FANK1: variants seen among roughly 807,000 people sequenced by gnomAD.
FANK1 encodes the protein fibronectin type 3 and ankyrin repeat domains protein 1.
FANK1 carries 44 observed loss-of-function variants against 45.3 expected under a neutral mutation model. That is an observed-to-expected ratio of 0.97 (90% CI 0.76 to 1.25). The LOEUF (loss-of-function observed/expected upper bound fraction) is 1.25. Ranked by LOEUF, FANK1 falls within the 50% of genes most tolerant of loss-of-function variation. The pLI is 0.00. For missense variants in FANK1, 391 were observed against 424.4 expected (o/e 0.92, Z 0.69); for synonymous variants, 149 against 152.5 (o/e 0.98, Z 0.17).
intron 1 of FANK1, among the ~76,000 whole-genome samples, chr10:125,901,998 A>G (rs1190589520): frequency 1.3e-5 from 2 of 152,150 alleles, no homozygotes; most frequent in African/African-American, 2.4e-5. Flanking sequence ...GCACGCCTGT[A>G]ATCCTAGCTA....
chr10:125,898,345 G>A (rs1944751124), intron 1 of FANK1, among the ~76,000 whole-genome samples: 1 of 152,058 alleles, frequency 6.6e-6, no homozygotes, highest in Non-Finnish European at 1.5e-5. Context: ...TTGAACAACG[G>A]ATCGGACAGT....
At chr10:125,994,425 G>A (rs973726149) in intron 3 of FANK1, 5 of 985,276 alleles carry the variant, frequency 5.1e-6, no homozygotes, top group Middle Eastern at 5.2e-4. Flanking sequence ...TTAGACCAGG[G>A]ATTATAAACT....
intron 1 of FANK1, among the ~76,000 whole-genome samples, chr10:125,924,682 G>A (rs1947211925): frequency 1.3e-5 from 2 of 151,916 alleles, no homozygotes; most frequent in South Asian, 2.1e-4. Context: ...GGTGGTGTGA[G>A]CCTGTGGTCC....
At chr10:125,933,998 G>A (rs1198147900) in intron 1 of FANK1, among the ~76,000 whole-genome samples, 1 of 152,148 alleles carries the variant, frequency 6.6e-6, no homozygotes, top group Non-Finnish European at 1.5e-5. Context: ...CTGAGAGAGT[G>A]CTTGATATAA....
intron 1 of FANK1, among the ~76,000 whole-genome samples, chr10:125,950,889 T>C (rs1016338477): frequency 5.3e-5 from 8 of 150,466 alleles, no homozygotes; most frequent in Non-Finnish European, 1.0e-4. Flanking sequence ...GTGGCACATA[T>C]ACACCATGGA....
intron 1 of FANK1, among the ~76,000 whole-genome samples, chr10:125,956,100 T>C (rs992993553): frequency 6.6e-6 from 1 of 150,854 alleles, no homozygotes; most frequent in Non-Finnish European, 1.5e-5. Flanking sequence ...AATTTTGCTG[T>C]ATCACAGTTT....
In FANK1 at chr10:125,915,843, T is replaced by C. The variant is rs565283626; in HGVS notation, c.13+19188T>C. ...GTCTGAAGGAGTGTGATCTAAACAA[T>C]GTGTAGTGTTTCCACTGAAGCACAG... On this transcript the variant is annotated intron_variant, in intron 1 of 10. Transcript: ENST00000368693. Among the ~76,000 whole-genome samples the C allele has an allele frequency of 3.9e-4, 60 of 152,240 alleles. 2 individuals carry two copies. In the South Asian group the frequency reaches 0.012, roughly 30 times the overall value.
At chr10:125,945,218 T>C (rs1185112477) in intron 1 of FANK1, among the ~76,000 whole-genome samples, 1 of 152,160 alleles carries the variant, frequency 6.6e-6, no homozygotes, top group Non-Finnish European at 1.5e-5. Context: ...AAAAAAAATT[T>C]AATAAGAACA....
At chr10:125,921,353 C>T (rs1038667804) in intron 1 of FANK1, among the ~76,000 whole-genome samples, 9 of 152,202 alleles carry the variant, frequency 5.9e-5, no homozygotes, top group Non-Finnish European at 1.3e-4. Context: ...ACTGTATCAA[C>T]AGTTATTCCT....
At chr10:125,918,843 G>A (rs61870890) in intron 1 of FANK1, among the ~76,000 whole-genome samples, 6,552 of 151,748 alleles carry the variant, frequency 0.043, 217 homozygotes, top group Non-Finnish European at 0.064. Context: ...TAGATAGTTG[G>A]AGAAATTGCA....
intron 1 of FANK1, among the ~76,000 whole-genome samples, chr10:125,941,955 G>A (rs902330379): frequency 6.6e-6 from 1 of 152,168 alleles, no homozygotes; most frequent in African/African-American, 2.4e-5. Context: ...ATAGGATGGG[G>A]CCAGCACACA....
intron 1 of FANK1, among the ~76,000 whole-genome samples, chr10:125,914,896 A>G (rs1190774023): frequency 6.6e-6 from 1 of 151,966 alleles, no homozygotes; most frequent in Non-Finnish European, 1.5e-5. Context: ...TGCGGAGGGG[A>G]TGAGGTAGAA....
intron 1 of FANK1, among the ~76,000 whole-genome samples, chr10:125,919,213 T>C (rs1946747291): frequency 1.0e-5 from 1 of 99,448 alleles, no homozygotes; most frequent in Non-Finnish European, 2.0e-5. Context: ...TTTTTTTTTT[T>C]TTTTTTTTTT....
intron 1 of FANK1, among the ~76,000 whole-genome samples, chr10:125,954,327 C>T (rs767799490): frequency 3.3e-5 from 5 of 152,062 alleles, no homozygotes; most frequent in Admixed American, 2.0e-4. Flanking sequence ...AAGTAGGGAA[C>T]GAAGAGCAAG....
intron 1 of FANK1, among the ~76,000 whole-genome samples, chr10:125,914,117 A>G (rs1269773288): frequency 3.9e-5 from 6 of 152,136 alleles, no homozygotes; most frequent in Admixed American, 3.9e-4. Flanking sequence ...AGTACTCATT[A>G]CAGTATGAAA....
At chr10:125,932,400 T>C (rs1054452482) in intron 1 of FANK1, among the ~76,000 whole-genome samples, 13 of 152,190 alleles carry the variant, frequency 8.5e-5, no homozygotes, top group Admixed American at 3.3e-4. Flanking sequence ...GTAGTTTTAC[T>C]TGTAGAGGTA....
At chr10:125,952,706 T>A (rs10794041) in intron 1 of FANK1, among the ~76,000 whole-genome samples, 4 of 150,382 alleles carry the variant, frequency 2.7e-5, no homozygotes, top group Non-Finnish European at 4.4e-5. Flanking sequence ...GCCTCTCTCC[T>A]GTGGAATGGT....
At chr10:125,913,259 C>G (rs777633952) in intron 1 of FANK1, among the ~76,000 whole-genome samples, 26 of 152,156 alleles carry the variant, frequency 1.7e-4, no homozygotes, top group Non-Finnish European at 3.5e-4. Context: ...GTTGCTCATT[C>G]TGCATGACAC....
At chr10:125,940,193 C>A (rs1373659124) in intron 1 of FANK1, among the ~76,000 whole-genome samples, 1 of 152,032 alleles carries the variant, frequency 6.6e-6, no homozygotes, top group African/African-American at 2.4e-5. Flanking sequence ...ACAGTGGGCC[C>A]AGGAGACCGG....
Sources: allele counts gnomAD v4.1 joint callset (sites outside exome capture counted in the v4.1 genomes callset), GRCh38; gene constraint gnomAD v4.1.1; transcripts MANE v1.5; gene names NCBI Gene and HGNC (gene_info 2026-07-23, HGNC 2026-07-21).